The following CLIP1 variants were observed in gnomAD, a reference collection of about 807,000 sequenced individuals.
CLIP1 encodes the protein CAP-Gly domain containing linker protein 1, also known as CAP-Gly domain-containing linker protein 1.
CLIP1 carries 66 observed loss-of-function variants against 161.6 expected under a neutral mutation model. The observed-to-expected ratio is 0.41, with a 90% CI of 0.33 to 0.50. The LOEUF (loss-of-function observed/expected upper bound fraction) is 0.50, where lower values mean the gene tolerates loss of function less well. Among genes scored for constraint, CLIP1 ranks in the 20% least tolerant of loss-of-function variants. The pLI, the probability that CLIP1 is intolerant of heterozygous loss-of-function variation, is 0.27. For synonymous variants in CLIP1, 598 were observed against 626.2 expected, an observed-to-expected ratio of 0.96 and a Z score of 0.67; for missense variants, 1,376 against 1,702.0, an observed-to-expected ratio of 0.81 and a Z score of 3.37.
intron 17 of CLIP1, chr12:122,324,477 C>T (rs1951634042): frequency 6.6e-6 from 1 of 152,146 alleles, no homozygotes; most frequent in Non-Finnish European, 1.5e-5. Context: ...ATGATAAAAA[C>T]TTTACAATTT....
rs1011194468 is a variant in CLIP1, at chr12:122,320,857, A to C, written c.3250-1509T>G. On this transcript the variant is annotated intron_variant, in intron 17 of 25. Transcript: ENST00000620786. Reference sequence around the variant, plus strand: ...CCTGAGTAGCTGGAACTACAGGCCCACATCACCACACCGGGCTAATTTTTG... The same window carrying C: ...CCTGAGTAGCTGGAACTACAGGCCCCCATCACCACACCGGGCTAATTTTTG... Among the ~76,000 whole-genome samples the C allele has an allele frequency of 2.0e-5, 3 of 150,816 alleles. No homozygotes were observed. The South Asian group carries it at 6.3e-4, about 32-fold the overall frequency.
Position 122,340,935 on chromosome 12 carries a change from T to C in CLIP1, c.2269A>G (p.Lys757Glu). 1 of 1,614,206 alleles carries C rather than the reference T, an allele frequency of 6.2e-7. No individual in the cohort carries two copies. Among genetic ancestry groups the C allele is most frequent in the Middle Eastern group, 1.6e-4 (1 of 6,062 alleles). ...TGTGATGTAAAATTATCAATAACCTTGGTTTGTTCATTGCATTTGGCTTGC... is the reference window on the plus strand; with the variant it reads ...TGTGATGTAAAATTATCAATAACCTCGGTTTGTTCATTGCATTTGGCTTGC... ...VLQAKCNEQT[K>E]VIDNFTSQLK... is the part of the protein sequence containing the mutation. The change falls in exon 11 of 26, where the codon AAG (lysine) becomes GAG (glutamate). Residue 757 changes from lysine (K) to glutamate (E), a missense_variant. Lys to Glu is a moderately conservative substitution (Grantham distance 56, BLOSUM62 1). Around this residue, in one of 6 missense-constraint regions of CLIP1, gnomAD observed 948 missense variants for 1,134.8 expected, o/e 0.84. Coordinates refer to ENST00000620786, the MANE Select transcript of CLIP1 (RefSeq NM_001247997.2).
chr12:122,339,348 G>GT (rs1241126332), intron 11 of CLIP1, among the ~76,000 whole-genome samples: 3 of 150,044 alleles, frequency 2.0e-5, no homozygotes, highest in Non-Finnish European at 3.0e-5. Flanking sequence ...GTTTTTTTTT[G>GT]TTTTTTGGAG....
intron 10 of CLIP1, among the ~76,000 whole-genome samples, chr12:122,345,035 G>A (rs1029748232): frequency 1.3e-5 from 2 of 151,546 alleles, no homozygotes; most frequent in Non-Finnish European, 2.9e-5. Flanking sequence ...ACTAAGATAC[G>A]GGAGAGGAGT....
At chr12:122,390,184 T>TATATATATAA (rs1955544349) in intron 1 of CLIP1, among the ~76,000 whole-genome samples, 1 of 135,466 alleles carries the variant, frequency 7.4e-6, no homozygotes, top group Non-Finnish European at 1.6e-5. Flanking sequence ...TATATATATA[T>TATATATATAA]ATATATATAT....
chr12:122,289,738 A>G (rs994961764), intron 20 of CLIP1, among the ~76,000 whole-genome samples: 2 of 152,140 alleles, frequency 1.3e-5, no homozygotes, highest in Admixed American at 6.5e-5. Context: ...AGGAGGAATC[A>G]TCTCTACCTC....
intron 1 of CLIP1, among the ~76,000 whole-genome samples, chr12:122,419,504 C>G (rs988653854): frequency 4.6e-5 from 7 of 152,102 alleles, no homozygotes; most frequent in Admixed American, 3.9e-4. Context: ...AGAAATCTAC[C>G]TGTAAGTAAT....
At chr12:122,290,872 T>A (rs560381641) in intron 20 of CLIP1, among the ~76,000 whole-genome samples, 10 of 151,528 alleles carry the variant, frequency 6.6e-5, no homozygotes, top group African/African-American at 1.4e-4. Context: ...TTTTTATTTT[T>A]TTTTATTTTT....
chr12:122,296,873 A>C (rs939265815), intron 20 of CLIP1, among the ~76,000 whole-genome samples: 3 of 151,764 alleles, frequency 2.0e-5, no homozygotes, highest in African/African-American at 2.4e-5. Context: ...AAAAAAAAAA[A>C]AAAAAAAAAA....
At chr12:122,316,888 T>C (rs373694982) in intron 18 of CLIP1, 33 bp from the exon 19 acceptor site, 18 of 1,258,250 alleles carry the variant, frequency 1.4e-5, no homozygotes, top group Non-Finnish European at 1.9e-5. Flanking sequence ...CTTGATGAAA[T>C]TATTTCATTT....
At chr12:122,294,393 G>T (rs1950389232) in intron 20 of CLIP1, among the ~76,000 whole-genome samples, 1 of 145,010 alleles carries the variant, frequency 6.9e-6, no homozygotes, top group African/African-American at 2.5e-5. Flanking sequence ...AATGGATAAA[G>T]CAACTATGAT....
chr12:122,273,124 C>T, intron 25 of CLIP1, 24 bp from the exon 26 acceptor site: 2 of 1,591,622 alleles, frequency 1.3e-6, no homozygotes, highest in Non-Finnish European at 1.7e-6. Flanking sequence ...TGTGTGAAAT[C>T]AGAAAATTTA....
At chr12:122,314,290 CAAAAAAAAAAA>C (rs35901280) in intron 19 of CLIP1, among the ~76,000 whole-genome samples, 2 of 99,078 alleles carry the variant, frequency 2.0e-5, no homozygotes, top group East Asian at 2.9e-4. Context: ...GACTCCATCT[CAAAAAAAAAAA>C]AAAAAAAAAG....
intron 18 of CLIP1, 78 bp downstream of exon 18, chr12:122,319,154 A>G: frequency 2.1e-6 from 2 of 961,042 alleles, no homozygotes; most frequent in Non-Finnish European, 3.4e-6. Context: ...AAACATAAGC[A>G]ATCCTGAGTC....
At chr12:122,295,035 G>A (rs1309078594) in intron 20 of CLIP1, among the ~76,000 whole-genome samples, 4 of 142,818 alleles carry the variant, frequency 2.8e-5, no homozygotes, top group South Asian at 4.5e-4. Flanking sequence ...CAGCCTGGGA[G>A]ACAGAGCGAG....
At chr12:122,406,874 A>G (rs1246685794) in intron 1 of CLIP1, among the ~76,000 whole-genome samples, 1 of 151,726 alleles carries the variant, frequency 6.6e-6, no homozygotes, top group Non-Finnish European at 1.5e-5. Context: ...GCAGATTTAT[A>G]TTCCTACTAC....
At chr12:122,317,233 T>C (rs55759231) in intron 18 of CLIP1, among the ~76,000 whole-genome samples, 15,523 of 152,272 alleles carry the variant, frequency 0.1, 2,566 homozygotes, top group African/African-American at 0.35. Flanking sequence ...TTCTTTGTAA[T>C]GAAAAGAAAC....
At chr12:122,298,870 G>A (rs1032851163) in intron 20 of CLIP1, among the ~76,000 whole-genome samples, 3 of 151,806 alleles carry the variant, frequency 2.0e-5, no homozygotes, top group Non-Finnish European at 2.9e-5. Flanking sequence ...GAGGAGAATC[G>A]CGTGAACCCA....
chr12:122,371,595 G>A (rs143677915), intron 3 of CLIP1, among the ~76,000 whole-genome samples: 394 of 152,224 alleles, frequency 2.6e-3, no homozygotes, highest in African/African-American at 9.2e-3. Context: ...GGAGAGACAA[G>A]GCAAGTGGCA....
Sources: allele counts gnomAD v4.1 joint callset (sites outside exome capture counted in the v4.1 genomes callset), GRCh38; gene constraint gnomAD v4.1.1; regional missense constraint gnomAD v4.1.1; transcripts MANE v1.5; gene names NCBI Gene and HGNC (gene_info 2026-07-23, HGNC 2026-07-21).